Variants in SCAMP1 observed in about 807,000 individuals in gnomAD.
SCAMP1 encodes secretory carrier-associated membrane protein 1.
Under a neutral mutation model 41.8 loss-of-function variants are expected in SCAMP1, and 15 were observed. The ratio of observed to expected loss-of-function variants is 0.36; its 90% confidence interval spans 0.24 to 0.55. The LOEUF (loss-of-function observed/expected upper bound fraction) is 0.55. Among genes scored for constraint, SCAMP1 ranks in the 20% least tolerant of loss-of-function variants. The pLI, the probability that SCAMP1 is intolerant of heterozygous loss-of-function variation, is 0.86. For missense variants in SCAMP1, 341 were observed against 412.6 expected (o/e 0.83, Z 1.50); for synonymous variants, 135 against 136.8 (o/e 0.99, Z 0.09).
At chr5:78,472,921 G>T (rs1253963468) in intron 8 of SCAMP1, among the ~76,000 whole-genome samples, 1 of 152,118 alleles carries the variant, frequency 6.6e-6, no homozygotes, top group East Asian at 1.9e-4. Flanking sequence ...GAATCCAATT[G>T]CATTGCTCTG....
In SCAMP1 at chr5:78,372,662, C is replaced by G. The variant is rs1490393530; in HGVS notation, c.57+11934C>G. ...ATTTGTCATAACAATAAAAGGAGTTCTTCTTACTGTTATCCTCACTTCAAG... is the reference window on the plus strand; with the variant it reads ...ATTTGTCATAACAATAAAAGGAGTTGTTCTTACTGTTATCCTCACTTCAAG... On this transcript the variant is annotated intron_variant, in intron 1 of 8. Coordinates refer to ENST00000621999, the MANE Select transcript of SCAMP1 (RefSeq NM_004866.6). 6.6e-5 allele frequency among the ~76,000 whole-genome samples: 10 copies of G among 152,248 alleles called. No individual in the cohort carries two copies. The East Asian group carries it at 9.6e-4, about 15-fold the overall frequency.
At position 78,460,822 on chromosome 5, in the gene SCAMP1, T is replaced by TTCCTTCCTTCCTTCC. The variant is rs1320918887; in HGVS notation, c.852+1461_852+1462insCCTTCCTTCCTTCCT. On this transcript the variant is annotated intron_variant, in intron 8 of 8. Coordinates refer to ENST00000621999, the MANE Select transcript of SCAMP1 (RefSeq NM_004866.6). ...CTTCCTTCCTCCCTTCCTTCCTTCC[T>TTCCTTCCTTCCTTCC]TTCTTGTCTTTCCTCTATCTGTCTC... 1.9e-3 allele frequency among the ~76,000 whole-genome samples: 92 copies of TTCCTTCCTTCCTTCC among 47,792 alleles called. 9 individuals carry two copies. The highest frequency in any genetic ancestry group is 5.6e-3 in the African/African-American group (84 of 14,936). 31.4% of individuals were successfully genotyped at this position (47,792 alleles called of 152,430 possible).
At chr5:78,368,758 A>G (rs550027282) in intron 1 of SCAMP1, among the ~76,000 whole-genome samples, 32 of 152,308 alleles carry the variant, frequency 2.1e-4, no homozygotes, top group African/African-American at 7.5e-4. Flanking sequence ...TTTAGTCTAC[A>G]GAGGGCTAAA....
intron 2 of SCAMP1, among the ~76,000 whole-genome samples, chr5:78,399,462 A>G (rs1751745914): frequency 6.6e-6 from 1 of 152,220 alleles, no homozygotes; most frequent in South Asian, 2.1e-4. Context: ...CTGTTGCTCT[A>G]CATCCTCTCC....
chr5:78,383,186 A>T (rs1228698486), intron 1 of SCAMP1, among the ~76,000 whole-genome samples: 1 of 152,086 alleles, frequency 6.6e-6, no homozygotes, highest in Non-Finnish European at 1.5e-5. Flanking sequence ...TTTCCCTGAT[A>T]ATGAGTGATG....
At chr5:78,373,893 C>T (rs901922596) in intron 1 of SCAMP1, among the ~76,000 whole-genome samples, 3 of 152,046 alleles carry the variant, frequency 2.0e-5, no homozygotes, top group Admixed American at 1.3e-4. Flanking sequence ...TCTTTATCAA[C>T]CATTATATTT....
intron 7 of SCAMP1, among the ~76,000 whole-genome samples, chr5:78,452,551 G>A (rs1259543111): frequency 3.6e-5 from 5 of 140,070 alleles, no homozygotes; most frequent in African/African-American, 1.3e-4. Context: ...GTATTCCATG[G>A]TGTATATGTG....
chr5:78,454,023 C>T (rs1382091069), intron 7 of SCAMP1, among the ~76,000 whole-genome samples: 1 of 152,192 alleles, frequency 6.6e-6, no homozygotes, highest in Non-Finnish European at 1.5e-5. Context: ...GATTTTTGCA[C>T]ATTGATTTTG....
In SCAMP1 at chr5:78,388,855, G is replaced by T; in HGVS notation, c.76G>T (p.Val26Leu). The T allele has an allele frequency of 6.5e-7, 1 of 1,547,528 alleles. No individual in the cohort carries two copies. Among genetic ancestry groups the T allele is most frequent in the Non-Finnish European group, 8.9e-7 (1 of 1,125,286 alleles). ...ATTCTAGGATCCATCAGTTACACAAGTGACAAGAAATGTTCCACCAGGACT... is the reference window on the plus strand; with the variant it reads ...ATTCTAGGATCCATCAGTTACACAATTGACAAGAAATGTTCCACCAGGACT... ...NPFKDPSVTQ[V>L]TRNVPPGLDE... Residue 26 changes from valine to leucine, a missense_variant, in exon 2 of 9, where the codon GTG (valine) becomes TTG (leucine). Transcript: ENST00000621999.
At chr5:78,405,243 A>AT (rs1751903735) in intron 2 of SCAMP1, among the ~76,000 whole-genome samples, 2 of 152,248 alleles carry the variant, frequency 1.3e-5, no homozygotes, top group Middle Eastern at 3.4e-3. Context: ...ACTTGCTTTA[A>AT]TTTTTTTCAG....
intron 6 of SCAMP1, among the ~76,000 whole-genome samples, chr5:78,438,607 A>G (rs991896999): frequency 6.6e-6 from 1 of 152,078 alleles, no homozygotes; most frequent in Non-Finnish European, 1.5e-5. Flanking sequence ...GTTCTTTTAC[A>G]TTTGCTGAGG....
chr5:78,448,458 T>C (rs561654594), intron 6 of SCAMP1, among the ~76,000 whole-genome samples: 1 of 152,062 alleles, frequency 6.6e-6, no homozygotes, highest in East Asian at 1.9e-4. Flanking sequence ...AACTCAACGA[T>C]AAAGGAAAAA....
intron 5 of SCAMP1, among the ~76,000 whole-genome samples, chr5:78,419,334 CTA>C (rs1303090522): frequency 1.1e-4 from 16 of 152,156 alleles, no homozygotes; most frequent in African/African-American, 3.9e-4. Flanking sequence ...ATTACATAAA[CTA>C]AGTGTTCTTT....
At chr5:78,415,385 C>G in intron 2 of SCAMP1, 135 bp from the exon 3 acceptor site, 1 of 609,120 alleles carries the variant, frequency 1.6e-6, no homozygotes. Flanking sequence ...CTTTGCCACA[C>G]ACTTGACTAT....
chr5:78,382,370 G>A (rs4579238), intron 1 of SCAMP1, among the ~76,000 whole-genome samples: 144,925 of 152,210 alleles, frequency 0.95, 69,201 homozygotes, highest in Non-Finnish European at 0.97. Context: ...TTCATTATAT[G>A]TATATACTTT....
intron 6 of SCAMP1, among the ~76,000 whole-genome samples, chr5:78,442,152 A>G (rs1429836517): frequency 1.3e-5 from 2 of 152,174 alleles, no homozygotes; most frequent in Non-Finnish European, 2.9e-5. Context: ...AAAAAGCATG[A>G]TAAATAGTTT....
At position 78,457,578 on chromosome 5, in the gene SCAMP1, C is replaced by T. The variant is rs562176149; in HGVS notation, c.735-1667C>T. On this transcript the variant is annotated intron_variant, in intron 7 of 8. Transcript: ENST00000621999. ...CAGCTGCGTGCTGGGAGAACCACTG[C>T]TCTCTTCAAAGCTGTCAGACAGGGA... 2.5e-3 allele frequency among the ~76,000 whole-genome samples: 380 copies of T among 152,300 alleles called. 2 individuals carry two copies. The highest frequency in any genetic ancestry group is 8.9e-3 in the African/African-American group (368 of 41,568).
At chr5:78,421,655 A>G in intron 5 of SCAMP1, 146 bp from the exon 6 acceptor site, 5 of 717,016 alleles carry the variant, frequency 7.0e-6, no homozygotes, top group Non-Finnish European at 1.2e-5. Flanking sequence ...GTAAGATACA[A>G]CAGTGTTTTG....
At chr5:78,448,026 C>CTCTTCCA in intron 6 of SCAMP1, among the ~76,000 whole-genome samples, 1 of 11,988 alleles carries the variant, frequency 8.3e-5, no homozygotes, top group South Asian at 4.4e-3. Context: ...TCTCCTTCCC[C>CTCTTCCA]CTCCTCCCCT....
Sources: allele counts gnomAD v4.1 joint callset (sites outside exome capture counted in the v4.1 genomes callset), GRCh38; gene constraint gnomAD v4.1.1; transcripts MANE v1.5; gene names NCBI Gene and HGNC (gene_info 2026-07-23, HGNC 2026-07-21).